The following LRRN1 variants were observed in gnomAD, a reference collection of about 807,000 sequenced individuals.
LRRN1 encodes leucine rich repeat neuronal 1, also known as leucine-rich repeat neuronal protein 1.
Under a neutral mutation model 45.8 loss-of-function variants are expected in LRRN1, and 14 were observed. The ratio of observed to expected loss-of-function variants is 0.31; its 90% confidence interval spans 0.20 to 0.48. LRRN1 has a LOEUF of 0.48. LRRN1 is among the 20% of genes least tolerant of loss of function. The pLI is 0.99. For missense variants in LRRN1, 789 were observed against 874.2 expected, an observed-to-expected ratio of 0.90 and a Z score of 1.23; for synonymous variants, 359 against 330.1, an observed-to-expected ratio of 1.09 and a Z score of -0.95.
intron 1 of LRRN1, among the ~76,000 whole-genome samples, chr3:3,823,293 A>C (rs891911013): frequency 6.6e-6 from 1 of 152,016 alleles, no homozygotes; most frequent in African/African-American, 2.4e-5. Context: ...TCCTTCCTTC[A>C]TCACTTTCTA....
intron 1 of LRRN1, among the ~76,000 whole-genome samples, chr3:3,836,471 C>T (rs1221969058): frequency 2.0e-5 from 3 of 152,160 alleles, no homozygotes; most frequent in Non-Finnish European, 4.4e-5. Flanking sequence ...TCATAATGTC[C>T]TCAAGATTCA....
intron 1 of LRRN1, among the ~76,000 whole-genome samples, chr3:3,810,968 G>A (rs1270679235): frequency 2.6e-5 from 4 of 152,098 alleles, no homozygotes; most frequent in Admixed American, 6.5e-5. Context: ...TTTAATCCTC[G>A]TCATCAGTGC....
chr3:3,837,331 T>C (rs575122453), intron 1 of LRRN1, among the ~76,000 whole-genome samples: 102 of 45,362 alleles, frequency 2.2e-3, no homozygotes, highest in African/African-American at 5.5e-3. Context: ...TTATTACTCC[T>C]TCCCCCCCCC....
chr3:3,849,791 C>T lies in LRRN1; in HGVS notation c.*2999C>T, dbSNP rs1693859619. ...TTCTGATTTGGCAAAAAGGAATCATCTCTATTTTTTTGCAAACAATATCAA... is the reference window on the plus strand; with the variant it reads ...TTCTGATTTGGCAAAAAGGAATCATTTCTATTTTTTTGCAAACAATATCAA... On this transcript the variant is annotated 3_prime_UTR_variant, in exon 2 of 2. Transcript: ENST00000319331. Among the ~76,000 whole-genome samples, 1 of 152,304 alleles carries T rather than the reference C, an allele frequency of 6.6e-6. No homozygotes were observed. The highest frequency in any genetic ancestry group is 2.1e-4 in the South Asian group (1 of 4,826).
intron 1 of LRRN1, among the ~76,000 whole-genome samples, chr3:3,809,538 A>C (rs1249192539): frequency 6.6e-6 from 1 of 152,234 alleles, no homozygotes; most frequent in Non-Finnish European, 1.5e-5. Context: ...TTTTGCTTTA[A>C]GGTATCCTCC....
intron 1 of LRRN1, among the ~76,000 whole-genome samples, chr3:3,825,243 C>T (rs532098872): frequency 6.6e-6 from 1 of 152,230 alleles, no homozygotes; most frequent in Non-Finnish European, 1.5e-5. Flanking sequence ...AAAGTGCCAT[C>T]CATGCCCAGT....
chr3:3,833,118 G>A (rs1693404237), intron 1 of LRRN1, among the ~76,000 whole-genome samples: 1 of 152,204 alleles, frequency 6.6e-6, no homozygotes, highest in Non-Finnish European at 1.5e-5. Flanking sequence ...GCTCTTCAGA[G>A]ATGCAGGTGC....
intron 1 of LRRN1, among the ~76,000 whole-genome samples, chr3:3,808,643 A>G (rs1692814810): frequency 6.6e-6 from 1 of 152,174 alleles, no homozygotes. Context: ...GTCTGACTCT[A>G]AACCTGTACT....
chr3:3,835,412 C>A (rs995735401), intron 1 of LRRN1, among the ~76,000 whole-genome samples: 1 of 152,104 alleles, frequency 6.6e-6, no homozygotes, highest in Non-Finnish European at 1.5e-5. Context: ...TAAGTGTGTA[C>A]TGCTTTCACA....
At chr3:3,837,395 ACCTTC>A (rs1693545836) in intron 1 of LRRN1, among the ~76,000 whole-genome samples, 1 of 150,918 alleles carries the variant, frequency 6.6e-6, no homozygotes, top group African/African-American at 2.4e-5. Context: ...AACCAACCCC[ACCTTC>A]CCTTCAAGCA....
rs866033697 is a variant in LRRN1, at chr3:3,816,242, T to A, written c.-279+16323T>A. ...TGTAATTAAGGACCATCCACTAATG[T>A]GCACTGGTGGATTTATGGTTTCCAG... is the stretch of plus-strand genomic sequence containing the variant. On this transcript the variant is annotated intron_variant, in intron 1 of 1. Coordinates refer to ENST00000319331, the MANE Select transcript of LRRN1 (RefSeq NM_020873.7). The surrounding 1 kb of genome is among the most constrained non-coding windows in gnomAD (Gnocchi z 4.0). 1.9e-4 allele frequency among the ~76,000 whole-genome samples: 29 copies of A among 152,156 alleles called. No individual in the cohort carries two copies. Among genetic ancestry groups the A allele is most frequent in the African/African-American group, 6.0e-4 (25 of 41,444 alleles).
At chr3:3,841,101 C>A (rs1693642281) in intron 1 of LRRN1, among the ~76,000 whole-genome samples, 1 of 151,996 alleles carries the variant, frequency 6.6e-6, no homozygotes, top group Admixed American at 6.5e-5. Context: ...AGATCCAGAC[C>A]ATCCTGGCTA....
At chr3:3,820,873 G>A (rs114138789) in intron 1 of LRRN1, among the ~76,000 whole-genome samples, 2,391 of 152,252 alleles carry the variant, frequency 0.016, 62 homozygotes, top group African/African-American at 0.055. Context: ...TGAGTGACTG[G>A]AAGAATGAAA....
intron 1 of LRRN1, among the ~76,000 whole-genome samples, chr3:3,801,584 C>T (rs916799527): frequency 1.3e-5 from 2 of 152,114 alleles, no homozygotes; most frequent in Admixed American, 6.5e-5. Flanking sequence ...CTGGCCTCAT[C>T]CATTCACATG....
At position 3,844,513 on chromosome 3, in the gene LRRN1, A is replaced by G. The variant is rs1559311378; in HGVS notation, c.-129A>G. 9.4e-6 allele frequency: 7 copies of G among 744,792 alleles called. No individual in the cohort carries two copies. The East Asian group carries it at 1.9e-4, about 20-fold the overall frequency. The allele number at this position is 744,792 out of a possible 1,614,324, so 46.1% of individuals were successfully genotyped here. A position where few individuals can be genotyped will look rare whatever the true frequency, so the allele number is the denominator to read the frequency against. On this transcript the variant is annotated 5_prime_UTR_variant, in exon 2 of 2. Coordinates refer to ENST00000319331, the MANE Select transcript of LRRN1 (RefSeq NM_020873.7). ...CCATCCCTTTGGACTCTGGAATTCTACACAGCTCAACCAAGACTTTGCTTG... is the reference window on the plus strand; with the variant it reads ...CCATCCCTTTGGACTCTGGAATTCTGCACAGCTCAACCAAGACTTTGCTTG...
chr3:3,819,608 C>T (rs1362507331), intron 1 of LRRN1, among the ~76,000 whole-genome samples: 2 of 152,162 alleles, frequency 1.3e-5, no homozygotes, highest in East Asian at 3.9e-4. Context: ...ACATCATTTT[C>T]CCTCGTCTTT....
At chr3:3,826,584 G>T (rs1279259045) in intron 1 of LRRN1, among the ~76,000 whole-genome samples, 1 of 151,898 alleles carries the variant, frequency 6.6e-6, no homozygotes, top group East Asian at 1.9e-4. Flanking sequence ...CCTTGCAAGG[G>T]GATACACTAT....
intron 1 of LRRN1, among the ~76,000 whole-genome samples, chr3:3,840,901 TA>T: frequency 6.6e-6 from 1 of 152,322 alleles, no homozygotes; most frequent in South Asian, 2.1e-4. Context: ...TATAGCCCCA[TA>T]AAGGCTATTT....
chr3:3,842,279 AGGAG>A (rs1290927357), intron 1 of LRRN1, among the ~76,000 whole-genome samples: 1 of 151,976 alleles, frequency 6.6e-6, no homozygotes, highest in African/African-American at 2.4e-5. Flanking sequence ...GGAGATGGGG[AGGAG>A]GGAGAAGAAT....
Sources: allele counts gnomAD v4.1 joint callset (sites outside exome capture counted in the v4.1 genomes callset), GRCh38; gene constraint gnomAD v4.1.1; non-coding constraint Gnocchi (gnomAD v3.1); transcripts MANE v1.5; gene names NCBI Gene and HGNC (gene_info 2026-07-23, HGNC 2026-07-21).